ST7L: variants seen among roughly 807,000 people sequenced by gnomAD.
The protein encoded by ST7L is suppressor of tumorigenicity 7 protein-like.
In ST7L, 57 loss-of-function variants were observed where a neutral mutation model predicts 72.5. The ratio of observed to expected loss-of-function variants is 0.79; its 90% CI spans 0.64 to 0.98. The LOEUF (loss-of-function observed/expected upper bound fraction) is 0.98. ST7L is among the 50% of genes least tolerant of loss of function. The pLI is 0.00. For missense variants in ST7L, 576 were observed against 672.2 expected (o/e 0.86, Z 1.58); for synonymous variants, 221 against 240.9 (o/e 0.92, Z 0.77).
At chr1:112,522,670 C>A (rs1399453243), downstream of ST7L, 1 of 152,184 alleles carries the variant, frequency 6.6e-6, no homozygotes, top group Non-Finnish European at 1.5e-5. Context: ...CCTGCTGAGA[C>A]CTGTGTGGGA....
chr1:112,560,269 C>G (rs968016348), intron 11 of ST7L, among the ~76,000 whole-genome samples: 2 of 152,104 alleles, frequency 1.3e-5, no homozygotes, highest in Admixed American at 6.6e-5. Flanking sequence ...TGGCGGGCGC[C>G]TGTAGTCCCA....
At chr1:112,553,711 T>C (rs1053827617) in intron 12 of ST7L, among the ~76,000 whole-genome samples, 1 of 152,322 alleles carries the variant, frequency 6.6e-6, no homozygotes, top group East Asian at 1.9e-4. Flanking sequence ...CTATATCACA[T>C]TGATTTTTGT....
At chr1:112,585,451 T>C (rs1032374858) in intron 6 of ST7L, among the ~76,000 whole-genome samples, 1 of 152,200 alleles carries the variant, frequency 6.6e-6, no homozygotes, top group Non-Finnish European at 1.5e-5. Flanking sequence ...TAAAATAGTT[T>C]AATATTTTGG....
chr1:112,571,160 A>G, intron 11 of ST7L: 1 of 381,612 alleles, frequency 2.6e-6, no homozygotes, highest in South Asian at 2.0e-5. Flanking sequence ...ACAGAGCGAG[A>G]CTGTCTCAAA....
downstream of ST7L, chr1:112,523,386 G>A (rs976974598): frequency 1.3e-5 from 2 of 152,230 alleles, no homozygotes; most frequent in African/African-American, 4.8e-5. Context: ...CCCCACCACG[G>A]AGGTTATGTG....
intron 1 of ST7L, 85 bp from the exon 2 acceptor site, chr1:112,616,980 G>T: frequency 1.1e-6 from 1 of 896,152 alleles, no homozygotes; most frequent in Non-Finnish European, 1.8e-6. Context: ...TTTATGAGTG[G>T]TGGGACTTAA....
At chr1:112,556,985 C>CAAAAAAAAAAAAAAAA (rs1196828305) in intron 11 of ST7L, among the ~76,000 whole-genome samples, 5 of 82,106 alleles carry the variant, frequency 6.1e-5, no homozygotes, top group Non-Finnish European at 9.2e-5. Flanking sequence ...AAAAAAAAAA[C>CAAAAAAAAAAAAAAAA]AAAAAAAAAA....
chr1:112,541,772 A>G, intron 14 of ST7L, 179 bp downstream of exon 14: 2 of 1,321,112 alleles, frequency 1.5e-6, no homozygotes, highest in Non-Finnish European at 1.9e-6. Context: ...CAACAGAAGT[A>G]GCTCAAATCA....
chr1:112,532,605 A>T (rs897736100), intron 14 of ST7L, among the ~76,000 whole-genome samples: 1 of 152,184 alleles, frequency 6.6e-6, no homozygotes, highest in Non-Finnish European at 1.5e-5. Context: ...GAACAGTTTT[A>T]TTTCTAGAAT....
downstream of ST7L, chr1:112,522,505 G>T (rs1334879044): frequency 6.6e-6 from 1 of 152,206 alleles, no homozygotes; most frequent in Non-Finnish European, 1.5e-5. Flanking sequence ...CTGGATACAG[G>T]CCCCTGTCTT....
intron 6 of ST7L, among the ~76,000 whole-genome samples, chr1:112,586,049 A>C (rs1664826838): frequency 6.6e-6 from 1 of 152,224 alleles, no homozygotes; most frequent in Admixed American, 6.5e-5. Context: ...CCTATAATAC[A>C]TAACAATTTC....
At chr1:112,585,038 T>C (rs1390271657) in intron 6 of ST7L, among the ~76,000 whole-genome samples, 1 of 152,172 alleles carries the variant, frequency 6.6e-6, no homozygotes, top group Admixed American at 6.5e-5. Flanking sequence ...TTCAGGTCCT[T>C]CCTCCTACAC....
Position 112,582,461 on chromosome 1 carries a change from T to G in ST7L, c.868A>C (p.Asn290His). ...QHEAQLRRDTNVLVYIKRRLA... is the reference protein window; with the variant it reads ...QHEAQLRRDTHVLVYIKRRLA... ...CTTCTTTTAATATATACCAGTACAT[T>G]GGTATCTCTCCCTATTTAGAAAAAC... The change falls in exon 8 of 15, where the codon AAT becomes CAT. Residue 290 changes from asparagine (N) to histidine (H), a missense_variant. By Grantham distance (68) the Asn-to-His change is moderately conservative. Transcript: ENST00000358039. 6.3e-7 allele frequency: 1 copy of G among 1,599,168 alleles called. No homozygotes were observed. Among genetic ancestry groups the G allele is most frequent in the Non-Finnish European group, 8.5e-7 (1 of 1,171,256 alleles).
At chr1:112,529,781 T>G (rs1002094539) in intron 14 of ST7L, 1 of 148,968 alleles carries the variant, frequency 6.7e-6, no homozygotes, top group Non-Finnish European at 1.5e-5. Context: ...AAGGTAACTA[T>G]GCTCATTATT....
intron 11 of ST7L, among the ~76,000 whole-genome samples, chr1:112,573,962 T>G (rs1662610777): frequency 7.3e-6 from 1 of 136,382 alleles, no homozygotes; most frequent in East Asian, 2.5e-4. Context: ...TAGCCCAAGC[T>G]GGAGTGCAGT....
At chr1:112,610,268 A>G (rs760235363) in intron 3 of ST7L, among the ~76,000 whole-genome samples, 4 of 152,138 alleles carry the variant, frequency 2.6e-5, no homozygotes, top group African/African-American at 4.8e-5. Flanking sequence ...CTGAAGCAAG[A>G]GCAACAGTCT....
At chr1:112,616,258 C>T (rs907480557) in intron 2 of ST7L, among the ~76,000 whole-genome samples, 2 of 152,112 alleles carry the variant, frequency 1.3e-5, no homozygotes, top group African/African-American at 4.8e-5. Context: ...CCAACACACC[C>T]CAAGCCCTCC....
intron 12 of ST7L, among the ~76,000 whole-genome samples, chr1:112,552,831 G>A (rs2101573480): frequency 6.6e-6 from 1 of 152,190 alleles, no homozygotes; most frequent in East Asian, 1.9e-4. Flanking sequence ...GGTTGGGCAT[G>A]ATGGCTCATG....
At chr1:112,580,727 A>G (rs1333400685) in intron 9 of ST7L, among the ~76,000 whole-genome samples, 1 of 152,210 alleles carries the variant, frequency 6.6e-6, no homozygotes, top group Non-Finnish European at 1.5e-5. Flanking sequence ...GATCGAGACC[A>G]TCCTGGCCAA....
Sources: allele counts gnomAD v4.1 joint callset (sites outside exome capture counted in the v4.1 genomes callset), GRCh38; gene constraint gnomAD v4.1.1; transcripts MANE v1.5; gene names NCBI Gene and HGNC (gene_info 2026-07-23, HGNC 2026-07-21).